Variants in KAT14 observed in about 807,000 individuals in gnomAD.
The protein encoded by KAT14 is cysteine-rich protein 2-binding protein.
A neutral mutation model predicts 78.4 loss-of-function variants in KAT14; 66 were observed. The observed-to-expected ratio is 0.84, with a 90% CI of 0.69 to 1.03. The LOEUF (loss-of-function observed/expected upper bound fraction) is 1.03. Ranked by LOEUF, KAT14 falls within the 50% of genes least tolerant of loss-of-function variation. KAT14 has a pLI of 0.00. For missense variants in KAT14, 870 were observed against 972.5 expected, an observed-to-expected ratio of 0.89 and a Z score of 1.40; for synonymous variants, 344 against 359.4, an observed-to-expected ratio of 0.96 and a Z score of 0.48.
At chr20:18,176,949 A>G (rs1005420427) in intron 7 of KAT14, among the ~76,000 whole-genome samples, 6 of 152,180 alleles carry the variant, frequency 3.9e-5, no homozygotes, top group African/African-American at 1.4e-4. Context: ...GGTTTACACT[A>G]GAGTGGGAAG....
chr20:18,148,938 C>G (rs1194168223), intron 3 of KAT14, among the ~76,000 whole-genome samples: 3 of 151,948 alleles, frequency 2.0e-5, no homozygotes, highest in Non-Finnish European at 4.4e-5. Flanking sequence ...ATCATAAATT[C>G]CAGGAGAGAA....
intron 7 of KAT14, among the ~76,000 whole-genome samples, chr20:18,171,824 A>G (rs1187653525): frequency 6.6e-6 from 1 of 152,148 alleles, no homozygotes; most frequent in Non-Finnish European, 1.5e-5. Context: ...AAAAACCAAT[A>G]TCTTTTGTGA....
At chr20:18,139,789 G>A (rs2037459087) in intron 1 of KAT14, among the ~76,000 whole-genome samples, 1 of 152,082 alleles carries the variant, frequency 6.6e-6, no homozygotes, top group Non-Finnish European at 1.5e-5. Flanking sequence ...AAGGTTCAAG[G>A]AAGCAAGAAA....
At chr20:18,138,307 C>G (rs764371514) in intron 1 of KAT14, 179 of 1,182,660 alleles carry the variant, frequency 1.5e-4, no homozygotes, top group Non-Finnish European at 1.6e-4. Flanking sequence ...CTTTGGAGCT[C>G]CGCGCTGAAG....
intron 7 of KAT14, among the ~76,000 whole-genome samples, chr20:18,175,684 T>C (rs565804812): frequency 6.6e-6 from 1 of 152,196 alleles, no homozygotes; most frequent in South Asian, 2.1e-4. Flanking sequence ...GATGCTTTTT[T>C]TTCCCACACT....
intron 1 of KAT14, among the ~76,000 whole-genome samples, chr20:18,140,886 C>T (rs1457395350): frequency 2.0e-5 from 3 of 147,914 alleles, no homozygotes; most frequent in Non-Finnish European, 3.0e-5. Context: ...TGAGATGGGG[C>T]TTGTTCTGTC....
chr20:18,158,382 TGAAAGACTGTCTTCTA>T (rs1600224999), intron 4 of KAT14, among the ~76,000 whole-genome samples: 1 of 152,258 alleles, frequency 6.6e-6, no homozygotes. Flanking sequence ...GGTCTTCTTG[TGAAAGACTGTCTTCTA>T]GGATTTCCGG....
chr20:18,162,498 A>G lies in KAT14; in HGVS notation c.1221A>G (p.Glu407=). ...TCAGAAAGAAGGTCAGAGGCCCTGAACAGATAAAGCAGGAGGTAGAGAGTG... is the reference window on the plus strand; with the variant it reads ...TCAGAAAGAAGGTCAGAGGCCCTGAGCAGATAAAGCAGGAGGTAGAGAGTG... ...VGVRKKVRGP[E]QIKQEVESEE... Residue 407 remains glutamate (E), a synonymous_variant, in exon 7 of 11, where the codon GAA becomes GAG. Transcript: ENST00000688188. 1 of 1,614,140 alleles carries G rather than the reference A, an allele frequency of 6.2e-7. No individual in the cohort carries two copies. The highest frequency in any genetic ancestry group is 8.5e-7 in the Non-Finnish European group (1 of 1,180,030).
chr20:18,158,229 C>T (rs2038291776), intron 4 of KAT14, among the ~76,000 whole-genome samples: 1 of 152,224 alleles, frequency 6.6e-6, no homozygotes, highest in South Asian at 2.1e-4. Flanking sequence ...AGCCACCGCA[C>T]CCAGCCTCAG....
intron 2 of KAT14, among the ~76,000 whole-genome samples, chr20:18,143,581 C>T (rs1365972152): frequency 6.8e-6 from 1 of 146,344 alleles, no homozygotes; most frequent in African/African-American, 2.5e-5. Flanking sequence ...TCCCAAGTAG[C>T]TGGGATTATA....
At chr20:18,186,378 G>T (rs905274222) in intron 10 of KAT14, among the ~76,000 whole-genome samples, 2 of 152,174 alleles carry the variant, frequency 1.3e-5, no homozygotes, top group African/African-American at 4.8e-5. Context: ...AACTCACAAA[G>T]TGCTCTTGTC....
At chr20:18,138,348 A>G in intron 1 of KAT14, 1 of 1,097,710 alleles carries the variant, frequency 9.1e-7, no homozygotes, top group Non-Finnish European at 1.1e-6. Flanking sequence ...ACGGCACGCA[A>G]GCTTTTGGGG....
At chr20:18,176,945 C>T (rs2039073129) in intron 7 of KAT14, among the ~76,000 whole-genome samples, 1 of 152,126 alleles carries the variant, frequency 6.6e-6, no homozygotes, top group Non-Finnish European at 1.5e-5. Context: ...GAGTGGTTTA[C>T]ACTAGAGTGG....
intron 1 of KAT14, among the ~76,000 whole-genome samples, chr20:18,140,582 G>A (rs2037495748): frequency 6.6e-6 from 1 of 151,892 alleles, no homozygotes; most frequent in African/African-American, 2.4e-5. Flanking sequence ...GGCTGAGGCA[G>A]GCAGATCATT....
chr20:18,176,156 G>A (rs2039037777), intron 7 of KAT14, among the ~76,000 whole-genome samples: 1 of 152,042 alleles, frequency 6.6e-6, no homozygotes, highest in Non-Finnish European at 1.5e-5. Flanking sequence ...ACAAAAATTA[G>A]CCAGGCATGC....
At chr20:18,184,516 T>G in intron 9 of KAT14, 86 bp from the exon 10 acceptor site, 1 of 1,200,044 alleles carries the variant, frequency 8.3e-7, no homozygotes, top group Non-Finnish European at 1.1e-6. Context: ...CATGCAGGTG[T>G]AGCTATATGT....
intron 1 of KAT14, among the ~76,000 whole-genome samples, chr20:18,141,791 G>A (rs919535699): frequency 2.0e-5 from 3 of 152,142 alleles, no homozygotes; most frequent in South Asian, 4.1e-4. Context: ...GGCTGAGGCC[G>A]GAGAATCACT....
chr20:18,164,682 C>A (rs1360339624), intron 7 of KAT14, among the ~76,000 whole-genome samples: 1 of 150,344 alleles, frequency 6.7e-6, no homozygotes, highest in Non-Finnish European at 1.5e-5. Flanking sequence ...AGTGGCACAA[C>A]CACAGCTCAT....
Position 18,142,544 on chromosome 20 carries a change from GCAGA to G in KAT14, c.-114_-111del. ...CTTATATCTGAATAAAGGAGTGTGG[GCAGA>G]CACTTTTTGGAAGAGTCTGTCTGGG... On this transcript the variant is annotated 5_prime_UTR_variant, in exon 2 of 11. Transcript: ENST00000688188. 2.7e-6 allele frequency: 4 copies of G among 1,506,402 alleles called. No individual in the cohort carries two copies. Among genetic ancestry groups the G allele is most frequent in the Admixed American group, 2.1e-5 (1 of 46,582 alleles). The allele number at this position is 1,506,402 out of a possible 1,614,324, so 93.3% of individuals were successfully genotyped here.
Sources: allele counts gnomAD v4.1 joint callset (sites outside exome capture counted in the v4.1 genomes callset), GRCh38; gene constraint gnomAD v4.1.1; transcripts MANE v1.5; gene names NCBI Gene and HGNC (gene_info 2026-07-23, HGNC 2026-07-21).